NAV2: variants seen among roughly 807,000 people sequenced by gnomAD.
The protein encoded by NAV2 is neuron navigator 2.
Under a neutral mutation model 223.2 loss-of-function variants are expected in NAV2, and 54 were observed. That is an observed-to-expected ratio of 0.24 (90% CI 0.19 to 0.30). The LOEUF (loss-of-function observed/expected upper bound fraction) is 0.30, where lower values mean the gene tolerates loss of function less well. NAV2 is among the 10% of genes least tolerant of loss of function. NAV2 has a pLI of 1.00. For missense variants in NAV2, 2,806 were observed against 3,147.5 expected (o/e 0.89, Z 2.60); for synonymous variants, 1,279 against 1,239.3 (o/e 1.03, Z -0.67).
At chr11:19,399,078 A>G (rs957321682) in intron 1 of NAV2, among the ~76,000 whole-genome samples, 19 of 152,176 alleles carry the variant, frequency 1.2e-4, no homozygotes, top group Non-Finnish European at 2.1e-4. Flanking sequence ...ATGTTGAATC[A>G]CACTTTCAAG....
intron 1 of NAV2, among the ~76,000 whole-genome samples, chr11:19,587,340 C>A (rs1374841577): frequency 6.6e-6 from 1 of 152,204 alleles, no homozygotes; most frequent in East Asian, 1.9e-4. Flanking sequence ...TGAGGCGATG[C>A]CTTGCCCTGC....
chr11:19,900,297 CTCGGGGCCAGTG>C (rs1314243799), intron 6 of NAV2, among the ~76,000 whole-genome samples: 6 of 58,566 alleles, frequency 1.0e-4, no homozygotes, highest in Non-Finnish European at 2.7e-4. Context: ...GTATCAAAGT[CTCGGGGCCAGTG>C]TTCAGTTATC....
At chr11:19,554,915 T>A (rs2044821561) in intron 1 of NAV2, among the ~76,000 whole-genome samples, 2 of 150,140 alleles carry the variant, frequency 1.3e-5, no homozygotes, top group Non-Finnish European at 2.9e-5. Flanking sequence ...TCATTGCACT[T>A]CAGCCTGGGC....
chr11:19,797,862 G>A lies in NAV2; in HGVS notation c.268-34622G>A, dbSNP rs1296435139. Among the ~76,000 whole-genome samples the A allele has an allele frequency of 2.0e-5, 3 of 152,262 alleles. No individual in the cohort carries two copies. The East Asian group carries it at 5.8e-4, about 29-fold the overall frequency. The stretch of plus-strand genomic sequence containing the variant: ...CTGAGGACTCAATGAAGTCACCGGT[G>A]TAAAGCTTTCACCATGATGGGCATG... On this transcript the variant is annotated intron_variant, in intron 1 of 37. Transcript: ENST00000349880.
chr11:19,627,115 C>T (rs1336796119), intron 1 of NAV2, among the ~76,000 whole-genome samples: 2 of 152,116 alleles, frequency 1.3e-5, no homozygotes, highest in Admixed American at 6.5e-5. Flanking sequence ...GGGCCGGGTG[C>T]GGTGACTCAC....
intron 36 of NAV2, among the ~76,000 whole-genome samples, chr11:20,109,849 A>G (rs1179259041): frequency 6.6e-6 from 1 of 152,240 alleles, no homozygotes; most frequent in Non-Finnish European, 1.5e-5. Flanking sequence ...CCTGCCCTGG[A>G]AGGCATTAAC....
At chr11:20,101,255 C>T (rs1273787355) in intron 32 of NAV2, 83 bp downstream of exon 32, 4 of 1,077,022 alleles carry the variant, frequency 3.7e-6, no homozygotes, top group Non-Finnish European at 5.5e-6. Context: ...GGGAAAGCAG[C>T]ATTTCCTATC....
At chr11:19,804,023 C>T (rs2058414384) in intron 1 of NAV2, among the ~76,000 whole-genome samples, 1 of 152,134 alleles carries the variant, frequency 6.6e-6, no homozygotes, top group Non-Finnish European at 1.5e-5. Flanking sequence ...GGCCAATTTG[C>T]TTAATGACTT....
intron 11 of NAV2, among the ~76,000 whole-genome samples, chr11:19,999,529 TG>T (rs901300787): frequency 1.3e-5 from 2 of 152,168 alleles, no homozygotes; most frequent in Admixed American, 1.3e-4. Flanking sequence ...CCACCATGCC[TG>T]GCTAATGTTT....
intron 1 of NAV2, among the ~76,000 whole-genome samples, chr11:19,363,475 C>T (rs1009912771): frequency 3.3e-5 from 5 of 152,120 alleles, no homozygotes; most frequent in African/African-American, 1.2e-4. Flanking sequence ...CCCTGATATC[C>T]CCCAGCTAAT....
chr11:20,062,858 C>A (rs1054445090), intron 20 of NAV2, among the ~76,000 whole-genome samples: 5 of 152,132 alleles, frequency 3.3e-5, no homozygotes, highest in African/African-American at 1.2e-4. Context: ...CCACGCCCAG[C>A]TAATTTTTGT....
At chr11:19,792,840 T>G (rs1456488123) in intron 1 of NAV2, among the ~76,000 whole-genome samples, 1 of 150,654 alleles carries the variant, frequency 6.6e-6, no homozygotes, top group Non-Finnish European at 1.5e-5. Context: ...ACTTGGGTTG[T>G]GAGGGATGGG....
At chr11:19,551,787 A>T (rs2044698014) in intron 1 of NAV2, among the ~76,000 whole-genome samples, 1 of 152,188 alleles carries the variant, frequency 6.6e-6, no homozygotes, top group Non-Finnish European at 1.5e-5. Flanking sequence ...CGTGTGGAGC[A>T]TACCAACTTC....
At chr11:19,857,544 A>C (rs1160725642) in intron 3 of NAV2, among the ~76,000 whole-genome samples, 1 of 152,174 alleles carries the variant, frequency 6.6e-6, no homozygotes, top group East Asian at 1.9e-4. Context: ...CTGTATTTTC[A>C]AGGAATGAAT....
At chr11:19,835,096 A>G (rs1467015116) in intron 2 of NAV2, among the ~76,000 whole-genome samples, 1 of 152,222 alleles carries the variant, frequency 6.6e-6, no homozygotes, top group Non-Finnish European at 1.5e-5. Flanking sequence ...ACATAGTGCT[A>G]TGAAAATGTA....
intron 11 of NAV2, among the ~76,000 whole-genome samples, chr11:19,999,832 T>C (rs577029709): frequency 5.3e-5 from 8 of 152,340 alleles, no homozygotes; most frequent in Admixed American, 3.3e-4. Flanking sequence ...CAGTGCCTGG[T>C]CCAGTCAGTG....
chr11:20,093,798 CAG>C (rs1379796334), intron 29 of NAV2, among the ~76,000 whole-genome samples: 22 of 152,088 alleles, frequency 1.4e-4, no homozygotes, highest in Non-Finnish European at 2.8e-4. Context: ...ATACCACTGC[CAG>C]AGACTATTTT....
At chr11:20,068,118 C>T in intron 20 of NAV2, 68 bp from the exon 21 acceptor site, 1 of 1,382,770 alleles carries the variant, frequency 7.2e-7, no homozygotes, top group Non-Finnish European at 1.0e-6. Context: ...TATGGTGTTC[C>T]CGATGGGCTG....
In NAV2 at chr11:19,796,922, CG is replaced by C. The variant is rs1238621377; in HGVS notation, c.268-35560del. Among the ~76,000 whole-genome samples the C allele has an allele frequency of 2.0e-5, 3 of 152,298 alleles. No homozygotes were observed. The South Asian group carries it at 6.2e-4, about 32-fold the overall frequency. On this transcript the variant is annotated intron_variant, in intron 1 of 37. Coordinates refer to ENST00000349880, the MANE Select transcript of NAV2 (RefSeq NM_145117.5). The stretch of plus-strand genomic sequence containing the variant: ...GTCTCTTGGCACTTGGCATGCATTT[CG>C]GCCCCCACTTTCCTTCTTCTCCATC...
Sources: gnomAD v4.1 joint callset for allele counts (sites outside exome capture counted in the v4.1 genomes callset) on GRCh38, gnomAD v4.1.1 for gene constraint, MANE v1.5 for transcripts, NCBI Gene and HGNC (gene_info 2026-07-23, HGNC 2026-07-21) for gene names.